Variants in PVT1 observed in about 807,000 individuals in gnomAD.
PVT1 encodes Pvt1 oncogene.
chr8:127,821,348 A>G (rs1814726640), intron 2 of PVT1, among the ~76,000 whole-genome samples: 1 of 152,210 alleles, frequency 6.6e-6, no homozygotes, highest in African/African-American at 2.4e-5. Flanking sequence ...TAAATTGCAC[A>G]ATGGATTATA....
chr8:127,927,957 G>A (rs1193608897), intron 3 of PVT1, among the ~76,000 whole-genome samples: 2 of 152,210 alleles, frequency 1.3e-5, no homozygotes, highest in South Asian at 2.1e-4. Flanking sequence ...CGGTTGGTGG[G>A]TGAGAAGGGC....
At chr8:127,818,349 G>T (rs1189078442) in intron 2 of PVT1, among the ~76,000 whole-genome samples, 1 of 152,208 alleles carries the variant, frequency 6.6e-6, no homozygotes, top group African/African-American at 2.4e-5. Context: ...GGAAGTCTCA[G>T]TGAGGAATCA....
chr8:127,853,695 C>T (rs1176837712), intron 2 of PVT1, among the ~76,000 whole-genome samples: 1 of 151,894 alleles, frequency 6.6e-6, no homozygotes, highest in Non-Finnish European at 1.5e-5. Flanking sequence ...GCAGGAGAAT[C>T]GCTCCAACCT....
intron 5 of PVT1, among the ~76,000 whole-genome samples, chr8:128,093,831 T>C (rs1178675921): frequency 6.6e-6 from 1 of 152,014 alleles, no homozygotes; most frequent in Non-Finnish European, 1.5e-5. Flanking sequence ...AGAGACAGGG[T>C]TTCACCATAT....
intron 3 of PVT1, among the ~76,000 whole-genome samples, chr8:127,972,057 C>T (rs1225592191): frequency 1.3e-5 from 2 of 152,210 alleles, no homozygotes; most frequent in Admixed American, 6.5e-5. Context: ...GGCATCTGGC[C>T]TCAGCCTCCC....
chr8:127,888,967 C>G (rs1402772598), intron 2 of PVT1, among the ~76,000 whole-genome samples: 1 of 152,112 alleles, frequency 6.6e-6, no homozygotes, highest in Non-Finnish European at 1.5e-5. Flanking sequence ...GAGCAGTGGT[C>G]AAGCTCGTGG....
At chr8:127,998,549 C>A (rs1049815732) in intron 4 of PVT1, among the ~76,000 whole-genome samples, 1 of 150,450 alleles carries the variant, frequency 6.6e-6, no homozygotes, top group African/African-American at 2.5e-5. Flanking sequence ...CTCTCTCTCT[C>A]TCTCTCTCTT....
intron 4 of PVT1, among the ~76,000 whole-genome samples, chr8:128,038,671 T>A (rs1271280868): frequency 6.6e-6 from 1 of 152,126 alleles, no homozygotes; most frequent in Non-Finnish European, 1.5e-5. Context: ...GCTAGTTGAC[T>A]CCTTGGGGAC....
intron 3 of PVT1, among the ~76,000 whole-genome samples, chr8:127,953,033 G>A (rs1301823580): frequency 1.3e-5 from 2 of 152,048 alleles, no homozygotes; most frequent in Non-Finnish European, 2.9e-5. Flanking sequence ...GAAAGTGCTG[G>A]GATTACAGGC....
At chr8:127,890,632 A>C (rs1166758215) in exon 3 of PVT1, 1 of 152,304 alleles carries the variant, frequency 6.6e-6, no homozygotes, top group Non-Finnish European at 1.5e-5. Context: ...ATGCCCCTCA[A>C]GATGGCTGTG....
intron 4 of PVT1, among the ~76,000 whole-genome samples, chr8:128,041,719 G>T (rs553940388): frequency 1.1e-3 from 172 of 152,072 alleles, no homozygotes; most frequent in African/African-American, 3.9e-3. Flanking sequence ...CATGTGTTTA[G>T]TATGTGTGTG....
In PVT1 at chr8:127,847,306, A is replaced by G. The variant is rs952615170; in HGVS notation, n.373-43283A>G. ...TACAGATAAAAAATACCAACGTTGT[A>G]TAATACACATGTTGTTGATGCGCTC... On this transcript the variant is annotated intron_variant and non_coding_transcript_variant, in intron 2 of 10. Coordinates refer to ENST00000651587, the Ensembl canonical transcript of PVT1. 4.6e-5 allele frequency among the ~76,000 whole-genome samples: 7 copies of G among 152,338 alleles called. No individual in the cohort carries two copies. The South Asian group carries it at 8.3e-4, about 18-fold the overall frequency.
intron 2 of PVT1, among the ~76,000 whole-genome samples, chr8:127,824,456 C>T (rs1329441433): frequency 6.6e-6 from 1 of 152,112 alleles, no homozygotes; most frequent in Non-Finnish European, 1.5e-5. Context: ...CCACTCCCAG[C>T]CAGGTTGCTA....
At chr8:128,019,275 A>G (rs559604472) in intron 4 of PVT1, among the ~76,000 whole-genome samples, 100 of 152,370 alleles carry the variant, frequency 6.6e-4, no homozygotes, top group African/African-American at 2.2e-3. Flanking sequence ...AAAAATTGCT[A>G]TAATTGCACC....
chr8:127,839,979 G>A (rs1433528430), intron 2 of PVT1, among the ~76,000 whole-genome samples: 1 of 152,190 alleles, frequency 6.6e-6, no homozygotes, highest in African/African-American at 2.4e-5. Context: ...GCACTGGGGA[G>A]CTGTTCTTGG....
intron 2 of PVT1, among the ~76,000 whole-genome samples, chr8:127,844,661 G>T (rs1425529853): frequency 6.6e-6 from 1 of 151,694 alleles, no homozygotes; most frequent in African/African-American, 2.4e-5. Context: ...TCATCCACTC[G>T]ACTGAACTTC....
Position 128,040,594 on chromosome 8 carries a change from TAA to T in PVT1, n.913-29565_913-29564del, listed in dbSNP as rs536151657. Among the ~76,000 whole-genome samples the T allele has an allele frequency of 3.2e-3, 492 of 152,360 alleles. 7 individuals carry two copies. Among genetic ancestry groups the T allele is most frequent in the Non-Finnish European group, 2.1e-3 (142 of 68,044 alleles). ...GATATTCTGATTTGTATTTGGGACT[TAA>T]GTTATTTAAGCCTTAAATATGAGCG... On this transcript the variant is annotated intron_variant and non_coding_transcript_variant, in intron 4 of 10. Transcript: ENST00000651587.
At chr8:128,070,162 C>A (rs1356460445) in exon 5 of PVT1, 1 of 152,226 alleles carries the variant, frequency 6.6e-6, no homozygotes, top group Non-Finnish European at 1.5e-5. Context: ...TTTTTCAGAG[C>A]CAGTCTTGGT....
intron 2 of PVT1, among the ~76,000 whole-genome samples, chr8:127,889,071 C>T (rs1054922005): frequency 4.7e-5 from 7 of 148,920 alleles, no homozygotes; most frequent in Non-Finnish European, 8.9e-5. Context: ...TTCCTTCCTT[C>T]CTTCCTTCCT....
Sources: allele counts gnomAD v4.1 joint callset (sites outside exome capture counted in the v4.1 genomes callset), GRCh38; gene constraint gnomAD v4.1.1; transcripts MANE v1.5; gene names NCBI Gene and HGNC (gene_info 2026-07-23, HGNC 2026-07-21).